ARHGEF10L: variants seen among roughly 807,000 people sequenced by gnomAD.
ARHGEF10L encodes the protein Rho guanine nucleotide exchange factor 10 like.
A neutral mutation model predicts 141.2 loss-of-function variants in ARHGEF10L; 69 were observed. That is an observed-to-expected ratio of 0.49 (90% CI 0.40 to 0.60). ARHGEF10L has a LOEUF of 0.60. Among genes scored for constraint, ARHGEF10L ranks in the 20% least tolerant of loss-of-function variants. The pLI, the probability that ARHGEF10L is intolerant of heterozygous loss-of-function variation, is 0.00. For synonymous variants in ARHGEF10L, 711 were observed against 718.5 expected, an observed-to-expected ratio of 0.99 and a Z score of 0.17; for missense variants, 1,482 against 1,734.3, an observed-to-expected ratio of 0.85 and a Z score of 2.58.
chr1:17,648,019 A>G (rs2061697279), intron 21 of ARHGEF10L, among the ~76,000 whole-genome samples: 1 of 152,128 alleles, frequency 6.6e-6, no homozygotes, highest in Admixed American at 6.5e-5. Context: ...TCTTGAAGGA[A>G]GCAGGAGTGT....
At chr1:17,676,023 T>C in intron 26 of ARHGEF10L, among the ~76,000 whole-genome samples, 1 of 144,602 alleles carries the variant, frequency 6.9e-6, no homozygotes, top group South Asian at 2.3e-4. Flanking sequence ...GATGCAGGTA[T>C]GTGTGCAGGT....
intron 1 of ARHGEF10L, among the ~76,000 whole-genome samples, chr1:17,559,583 A>C (rs1484775966): frequency 6.6e-6 from 1 of 152,122 alleles, no homozygotes; most frequent in Non-Finnish European, 1.5e-5. Flanking sequence ...AAAACTCTAA[A>C]CAGGAGGAGT....
At chr1:17,576,875 G>T (rs2078245773) in intron 1 of ARHGEF10L, among the ~76,000 whole-genome samples, 3 of 152,198 alleles carry the variant, frequency 2.0e-5, no homozygotes, top group African/African-American at 7.2e-5. Flanking sequence ...GTGGCCTTCG[G>T]TGTCACCGCC....
intron 22 of ARHGEF10L, among the ~76,000 whole-genome samples, chr1:17,649,163 G>A (rs940787368): frequency 6.6e-6 from 1 of 152,232 alleles, no homozygotes; most frequent in Non-Finnish European, 1.5e-5. Context: ...AGAACCTTGC[G>A]AGTAGATGTT....
intron 26 of ARHGEF10L, among the ~76,000 whole-genome samples, chr1:17,667,445 T>C (rs1333848635): frequency 6.6e-6 from 1 of 151,172 alleles, no homozygotes; most frequent in Non-Finnish European, 1.5e-5. Context: ...TTGGGGGGAG[T>C]GGGGCCCGAG....
chr1:17,595,531 A>C (rs2080008700), intron 4 of ARHGEF10L, among the ~76,000 whole-genome samples: 1 of 152,128 alleles, frequency 6.6e-6, no homozygotes, highest in Non-Finnish European at 1.5e-5. Flanking sequence ...ATGCCACCTG[A>C]GGGCCGCTCT....
the ARHGEF10L span, among the ~76,000 whole-genome samples, chr1:17,528,212 T>C: frequency 1.3e-5 from 2 of 152,012 alleles, no homozygotes; most frequent in African/African-American, 4.8e-5. Context: ...ATAATTATTT[T>C]CTTTCTTTAT....
intron 4 of ARHGEF10L, among the ~76,000 whole-genome samples, chr1:17,595,101 C>T (rs1254585868): frequency 1.3e-5 from 2 of 151,944 alleles, no homozygotes; most frequent in Admixed American, 1.3e-4. Flanking sequence ...AGACTAAAAG[C>T]AACTTTTAAT....
chr1:17,675,625 G>C (rs2063608883), intron 26 of ARHGEF10L, among the ~76,000 whole-genome samples: 1 of 148,386 alleles, frequency 6.7e-6, no homozygotes, highest in Non-Finnish European at 1.5e-5. Flanking sequence ...GTGCAAGTGT[G>C]GGGATAGGTT....
At chr1:17,551,919 G>A (rs1024002117) in intron 1 of ARHGEF10L, among the ~76,000 whole-genome samples, 4 of 152,132 alleles carry the variant, frequency 2.6e-5, no homozygotes, top group East Asian at 3.8e-4. Flanking sequence ...GAAGGTCACC[G>A]TCCACAGTCC....
chr1:17,590,277 A>C (rs1314239576), intron 4 of ARHGEF10L, among the ~76,000 whole-genome samples: 1 of 152,022 alleles, frequency 6.6e-6, no homozygotes, highest in African/African-American at 2.4e-5. Flanking sequence ...TTTTTGAGGA[A>C]AGATTTTTGC....
At chr1:17,641,376 A>G (rs2061320410) in intron 21 of ARHGEF10L, among the ~76,000 whole-genome samples, 1 of 152,208 alleles carries the variant, frequency 6.6e-6, no homozygotes, top group African/African-American at 2.4e-5. Context: ...TCACGCCTGT[A>G]ATCCCAGCAC....
chr1:17,581,731 G>A (rs2078585806), intron 2 of ARHGEF10L, among the ~76,000 whole-genome samples: 1 of 152,148 alleles, frequency 6.6e-6, no homozygotes, highest in South Asian at 2.1e-4. Context: ...TTAAATATAT[G>A]TCAGGCGTGG....
chr1:17,625,951 A>G lies in ARHGEF10L; in HGVS notation c.1318-5A>G, dbSNP rs2060360948. The G allele has an allele frequency of 6.2e-7, 1 of 1,613,696 alleles. No individual in the cohort carries two copies. The highest frequency in any genetic ancestry group is 8.5e-7 in the Non-Finnish European group (1 of 1,179,742). ...CAGCGAATGACGGAACCTTGTCTCC[A>G]CCAGCGACGGCAGGTGTGCAGCCCA... On this transcript the variant is annotated splice_region_variant and splice_polypyrimidine_tract_variant and intron_variant, in intron 13 of 28. Coordinates refer to ENST00000361221, the MANE Select transcript of ARHGEF10L (RefSeq NM_018125.4). The surrounding 1 kb of genome is among the most constrained non-coding windows in gnomAD (Gnocchi z 4.5).
At chr1:17,530,187 C>A in the ARHGEF10L span, among the ~76,000 whole-genome samples, 2 of 151,930 alleles carry the variant, frequency 1.3e-5, no homozygotes, top group Non-Finnish European at 2.9e-5. Flanking sequence ...CTGGGCACAC[C>A]CTAGGCACCT....
chr1:17,541,617 G>A (rs1259539731), intron 1 of ARHGEF10L, among the ~76,000 whole-genome samples: 4 of 152,106 alleles, frequency 2.6e-5, no homozygotes, highest in African/African-American at 9.7e-5. Context: ...GATCACTTGA[G>A]GTCAGGAGTT....
chr1:17,619,242 G>A lies in ARHGEF10L; in HGVS notation c.836-97G>A. ...GAGCTGCTTGCACCCTAGGACCTGG[G>A]TCCAAGGCTGGTCTAGGGGGGCTCT... is the stretch of plus-strand genomic sequence containing the variant. On this transcript the variant is annotated intron_variant, in intron 9 of 28. Coordinates refer to ENST00000361221, the MANE Select transcript of ARHGEF10L (RefSeq NM_018125.4). The surrounding 1 kb of genome is among the most constrained non-coding windows in gnomAD (Gnocchi z 5.0). 8.0e-7 allele frequency: 1 copy of A among 1,244,410 alleles called. No homozygotes were observed. The highest frequency in any genetic ancestry group is 1.1e-6 in the Non-Finnish European group (1 of 872,772). The allele number at this position is 1,244,410 out of a possible 1,614,324, so 77.1% of individuals were successfully genotyped here.
intron 1 of ARHGEF10L, among the ~76,000 whole-genome samples, chr1:17,551,983 C>T (rs368759588): frequency 7.9e-5 from 12 of 152,308 alleles, no homozygotes; most frequent in African/African-American, 2.6e-4. Flanking sequence ...GTTGGTGCTT[C>T]TGGGCAGGAG....
In ARHGEF10L at chr1:17,687,875, G is replaced by A. The variant is rs1192190296; in HGVS notation, c.3184+128G>A. 7.6e-6 allele frequency: 8 copies of A among 1,058,668 alleles called. No homozygotes were observed. In the Admixed American group the frequency reaches 2.2e-4, roughly 30 times the overall value. The allele number at this position is 1,058,668 out of a possible 1,614,324, so 65.6% of individuals were successfully genotyped here. On this transcript the variant is annotated intron_variant, in intron 27 of 28. Coordinates refer to ENST00000361221, the MANE Select transcript of ARHGEF10L (RefSeq NM_018125.4). ...CCTGAAAACTGGGGCTTTAATTTGG[G>A]GCACTCCCCAGGAAGTGGTGGGGTT...
Sources: allele counts gnomAD v4.1 joint callset (sites outside exome capture counted in the v4.1 genomes callset), GRCh38; gene constraint gnomAD v4.1.1; non-coding constraint Gnocchi (gnomAD v3.1); transcripts MANE v1.5; gene names NCBI Gene and HGNC (gene_info 2026-07-23, HGNC 2026-07-21).